PTPRT: variants seen among roughly 807,000 people sequenced by gnomAD.
PTPRT encodes the protein receptor-type tyrosine-protein phosphatase T.
In PTPRT, 56 loss-of-function variants were observed where a neutral mutation model predicts 176.8. The observed-to-expected ratio is 0.32, with a 90% CI of 0.26 to 0.40. The LOEUF is 0.40. PTPRT is among the 10% of genes least tolerant of loss of function. The pLI is 1.00. For synonymous variants in PTPRT, 783 were observed against 739.0 expected (o/e 1.06, Z -0.96); for missense variants, 1,540 against 1,908.2 (o/e 0.81, Z 3.60).
intron 1 of PTPRT, among the ~76,000 whole-genome samples, chr20:42,921,569 A>G (rs547795449): frequency 6.6e-6 from 1 of 152,350 alleles, no homozygotes; most frequent in South Asian, 2.1e-4. Flanking sequence ...TGGGCAACAG[A>G]GCAAATCCCT....
At chr20:42,270,546 G>T in intron 13 of PTPRT, 1 of 1,119,356 alleles carries the variant, frequency 8.9e-7, no homozygotes, top group Non-Finnish European at 1.3e-6. Flanking sequence ...GAACAAAACT[G>T]CAATTCTTGT....
rs145417997 is a variant in PTPRT at position 43,033,891 on chromosome 20, G to T, written c.89-147959C>A. 2.2e-4 allele frequency among the ~76,000 whole-genome samples: 34 copies of T among 152,188 alleles called. No individual in the cohort carries two copies. The East Asian group carries it at 5.6e-3, about 25-fold the overall frequency. ...TTGAAACCCCGGAACATCCAACCCCGGCCCTAGAGCTCTCGCTCCTGACCA... is the reference window on the plus strand; with the variant it reads ...TTGAAACCCCGGAACATCCAACCCCTGCCCTAGAGCTCTCGCTCCTGACCA... On this transcript the variant is annotated intron_variant, in intron 1 of 30. Coordinates refer to ENST00000373187, the MANE Select transcript of PTPRT (RefSeq NM_007050.6).
chr20:42,329,653 A>G (rs2057939652), intron 11 of PTPRT, among the ~76,000 whole-genome samples: 1 of 152,152 alleles, frequency 6.6e-6, no homozygotes, highest in Non-Finnish European at 1.5e-5. Context: ...AATAGCTATC[A>G]TGATATGTGG....
At position 42,696,546 on chromosome 20, in the gene PTPRT, C is replaced by A. The variant is rs538829327; in HGVS notation, c.860-18387G>T. ...TCTCGGCTCACTGCAAGCTCTTCCC[C>A]CCGGGTTCACACCATTCTCCTGCCT... On this transcript the variant is annotated intron_variant, in intron 6 of 30. Transcript: ENST00000373187. Among the ~76,000 whole-genome samples, 4 of 151,750 alleles carry A rather than the reference C, an allele frequency of 2.6e-5. No individual in the cohort carries two copies. The South Asian group carries it at 8.3e-4, about 32-fold the overall frequency.
chr20:42,450,309 T>C (rs927115225), intron 8 of PTPRT, among the ~76,000 whole-genome samples: 13 of 152,238 alleles, frequency 8.5e-5, no homozygotes, highest in Admixed American at 8.5e-4. Flanking sequence ...TGACATATAT[T>C]ACCAGATTGC....
chr20:42,814,658 T>C (rs145534416), intron 2 of PTPRT, among the ~76,000 whole-genome samples: 309 of 152,350 alleles, frequency 2.0e-3, no homozygotes, highest in African/African-American at 7.0e-3. Context: ...CTGCCATCTT[T>C]AGTGCCATGT....
chr20:42,201,975 G>GTGTGTGTA (rs1380398908), intron 15 of PTPRT, among the ~76,000 whole-genome samples: 3 of 151,304 alleles, frequency 2.0e-5, no homozygotes, highest in East Asian at 3.9e-4. Flanking sequence ...GTGTGTGTGT[G>GTGTGTGTA]TGTATGTATG....
At chr20:42,195,781 G>C (rs990397878) in intron 16 of PTPRT, among the ~76,000 whole-genome samples, 2 of 152,020 alleles carry the variant, frequency 1.3e-5, no homozygotes, top group Admixed American at 6.6e-5. Context: ...ACCTCTCTCT[G>C]TATATTTACG....
chr20:43,060,258 C>T (rs1052181546), intron 1 of PTPRT, among the ~76,000 whole-genome samples: 2 of 152,116 alleles, frequency 1.3e-5, no homozygotes, highest in East Asian at 1.9e-4. Context: ...TGTTCTGGAG[C>T]CTGGGAAGTC....
intron 7 of PTPRT, among the ~76,000 whole-genome samples, chr20:42,618,133 T>A (rs1293168156): frequency 1.5e-5 from 2 of 135,264 alleles, no homozygotes; most frequent in Non-Finnish European, 1.5e-5. Context: ...GATTCTGGTA[T>A]GTCGTGTCTT....
At chr20:42,270,593 T>A in intron 13 of PTPRT, 1 of 676,914 alleles carries the variant, frequency 1.5e-6, no homozygotes. Context: ...CAAAAGAACA[T>A]CATGATTTAA....
intron 7 of PTPRT, among the ~76,000 whole-genome samples, chr20:42,557,052 C>A (rs965708138): frequency 6.6e-6 from 1 of 152,112 alleles, no homozygotes; most frequent in African/African-American, 2.4e-5. Context: ...CCTATACATA[C>A]AGAAGGCAAC....
In PTPRT at chr20:43,189,640, A is replaced by T; in HGVS notation, c.88+6T>A. 8.0e-7 allele frequency: 1 copy of T among 1,255,072 alleles called. No homozygotes were observed. Among genetic ancestry groups the T allele is most frequent in the Non-Finnish European group, 1.0e-6 (1 of 1,000,424 alleles). The allele number at this position is 1,255,072 out of a possible 1,614,324, so 77.7% of individuals were successfully genotyped here. ...GAGCCCAGGGGAGCCGGGCGGGCGC[A>T]CTCACCTGCGGCGCTCTGAGCCCGG... On this transcript the variant is annotated splice_donor_region_variant and intron_variant, in intron 1 of 30. Coordinates refer to ENST00000373187, the MANE Select transcript of PTPRT (RefSeq NM_007050.6). The surrounding 1 kb of genome is among the most constrained non-coding windows in gnomAD (Gnocchi z 5.0).
chr20:42,205,598 A>G lies in PTPRT; in HGVS notation c.2343-6210T>C, dbSNP rs1312658902. On this transcript the variant is annotated intron_variant, in intron 15 of 30. Coordinates refer to ENST00000373187, the MANE Select transcript of PTPRT (RefSeq NM_007050.6). ...TTCTGGGCTAGGAACAGGACCATCC[A>G]GCCAACTGGTGGGGGCAGGAGTCTA... Among the ~76,000 whole-genome samples, 3 of 152,134 alleles carry G rather than the reference A, an allele frequency of 2.0e-5. No homozygotes were observed. In the East Asian group the frequency reaches 5.8e-4, roughly 29 times the overall value.
chr20:43,147,997 T>C (rs946613207), intron 1 of PTPRT, among the ~76,000 whole-genome samples: 4 of 152,182 alleles, frequency 2.6e-5, no homozygotes, highest in Admixed American at 2.6e-4. Flanking sequence ...ACTTTAAATC[T>C]ACCCAAGACC....
At chr20:42,444,028 C>A (rs2059341553) in intron 9 of PTPRT, among the ~76,000 whole-genome samples, 2 of 151,886 alleles carry the variant, frequency 1.3e-5, no homozygotes, top group Admixed American at 1.3e-4. Context: ...TGTGTAGAAC[C>A]CTCCTAGGGC....
intron 2 of PTPRT, among the ~76,000 whole-genome samples, chr20:42,860,238 T>A (rs997868687): frequency 1.3e-5 from 2 of 152,126 alleles, no homozygotes; most frequent in African/African-American, 4.8e-5. Context: ...CACACACCCC[T>A]CTGTTTTAAG....
chr20:43,019,554 G>A (rs970258511), intron 1 of PTPRT, among the ~76,000 whole-genome samples: 1 of 147,414 alleles, frequency 6.8e-6, no homozygotes, highest in Non-Finnish European at 1.5e-5. Flanking sequence ...GGGAGGCGGA[G>A]ATTGCAGTGA....
chr20:42,575,405 A>G (rs1360487816), intron 7 of PTPRT, among the ~76,000 whole-genome samples: 1 of 152,198 alleles, frequency 6.6e-6, no homozygotes, highest in Non-Finnish European at 1.5e-5. Context: ...AACCGGTAGA[A>G]TGGCAGGCTG....
Sources: allele counts gnomAD v4.1 joint callset (sites outside exome capture counted in the v4.1 genomes callset), GRCh38; gene constraint gnomAD v4.1.1; non-coding constraint Gnocchi (gnomAD v3.1); transcripts MANE v1.5; gene names NCBI Gene and HGNC (gene_info 2026-07-23, HGNC 2026-07-21).